Variants in TTF1 observed in about 807,000 individuals in gnomAD.
TTF1 encodes transcription termination factor 1.
Under a neutral mutation model 80.2 loss-of-function variants are expected in TTF1, and 64 were observed. The observed-to-expected ratio is 0.80, with a 90% CI of 0.65 to 0.98. The LOEUF is 0.98. TTF1 is among the 50% of genes least tolerant of loss of function. The probability of loss-of-function intolerance (pLI) is 0.00; values close to 1 mark genes in which losing one functional copy is unlikely to be tolerated. For missense variants in TTF1, 1,023 were observed against 1,086.2 expected (o/e 0.94, Z 0.82); for synonymous variants, 372 against 382.7 (o/e 0.97, Z 0.33).
At chr9:132,392,654 C>G (rs1293702575) in intron 5 of TTF1, among the ~76,000 whole-genome samples, 1 of 152,232 alleles carries the variant, frequency 6.6e-6, no homozygotes, top group Non-Finnish European at 1.5e-5. Flanking sequence ...TGCACTCACA[C>G]GTGCACTGGC....
In TTF1 at chr9:132,392,122, G is replaced by A; in HGVS notation, c.1941C>T (p.Ala647=). The change falls in exon 6 of 11, where the codon GCC becomes GCT. Residue 647 remains alanine, a synonymous_variant. Coordinates refer to ENST00000334270, the MANE Select transcript of TTF1 (RefSeq NM_007344.4). ...NDWKTIGEMV[A]RSSLSVALKF... Reference sequence around the variant, plus strand: ...TGAGGGCCACGGAGAGGCTACTTCGGGCCACCATCTCACCAATCGTCTTCC... The same window carrying A: ...TGAGGGCCACGGAGAGGCTACTTCGAGCCACCATCTCACCAATCGTCTTCC... The A allele has an allele frequency of 1.2e-6, 2 of 1,614,058 alleles. No homozygotes were observed. Among genetic ancestry groups the A allele is most frequent in the Non-Finnish European group, 1.7e-6 (2 of 1,180,026 alleles).
At position 132,400,017 on chromosome 9, in the gene TTF1, A is replaced by G; in HGVS notation, c.1591+18T>C. 1 of 1,613,612 alleles carries G rather than the reference A, an allele frequency of 6.2e-7. No individual in the cohort carries two copies. Among genetic ancestry groups the G allele is most frequent in the East Asian group, 2.2e-5 (1 of 44,882 alleles). On this transcript the variant is annotated intron_variant, in intron 3 of 10. Coordinates refer to ENST00000334270, the MANE Select transcript of TTF1 (RefSeq NM_007344.4). ...GCATACAGGAAGTTCAACAAACACT[A>G]AGGCCCCACAAGCTCACCTTGTGCT...
chr9:132,386,697 TG>T, intron 8 of TTF1, 76 bp from the exon 9 acceptor site: 2 of 1,242,968 alleles, frequency 1.6e-6, no homozygotes, highest in Non-Finnish European at 2.3e-6. Context: ...CGTGGAGTGC[TG>T]AGAGCTGGAA....
intron 5 of TTF1, among the ~76,000 whole-genome samples, chr9:132,393,682 G>A (rs1689783098): frequency 6.6e-6 from 1 of 152,148 alleles, no homozygotes; most frequent in Non-Finnish European, 1.5e-5. Context: ...CTATATTTCT[G>A]TGTGTGTGTC....
intron 9 of TTF1, 133 bp from the exon 10 acceptor site, chr9:132,379,277 G>T: frequency 1.8e-6 from 1 of 546,406 alleles, no homozygotes; most frequent in South Asian, 3.3e-5. Context: ...CATCATACAT[G>T]TGTGATACAA....
intron 10 of TTF1, among the ~76,000 whole-genome samples, chr9:132,378,269 T>C (rs1265365574): frequency 2.5e-5 from 3 of 120,700 alleles, no homozygotes; most frequent in Non-Finnish European, 5.0e-5. Flanking sequence ...TGTGAGTGCA[T>C]GTGGTGTGTG....
chr9:132,401,535 C>T lies in TTF1; in HGVS notation c.1287G>A (p.Met429Ile), dbSNP rs199902613. The T allele has an allele frequency of 4.3e-4, 694 of 1,614,162 alleles. 11 individuals carry two copies. In the East Asian group the frequency reaches 0.015, roughly 35 times the overall value. The change falls in exon 2 of 11, where the codon ATG becomes ATA. Residue 429 changes from methionine (M) to isoleucine (I), a missense_variant. Met to Ile is a conservative substitution (Grantham distance 10). Coordinates refer to ENST00000334270, the MANE Select transcript of TTF1 (RefSeq NM_007344.4). ...FDSVEGDGAM[M>I]EEGVKSRPRQ... ...GGGGCCTAGATTTCACACCTTCTTC[C>T]ATCATGGCGCCATCACCTTCTACTG...
chr9:132,393,163 T>C (rs1849588777), intron 5 of TTF1, among the ~76,000 whole-genome samples: 1 of 152,248 alleles, frequency 6.6e-6, no homozygotes, highest in South Asian at 2.1e-4. Flanking sequence ...ATGGCTTTAC[T>C]GTATAAACTG....
chr9:132,378,278 TGAATGCATGTG>T (rs1564182012), intron 10 of TTF1, among the ~76,000 whole-genome samples: 1 of 130,320 alleles, frequency 7.7e-6, no homozygotes, highest in Non-Finnish European at 1.6e-5. Context: ...ATGTGGTGTG[TGAATGCATGTG>T]GTGAGTGCAT....
chr9:132,398,377 A>C (rs2131645310), intron 3 of TTF1, 51 bp from the exon 4 acceptor site: 1 of 1,556,936 alleles, frequency 6.4e-7, no homozygotes, highest in South Asian at 1.2e-5. Context: ...ATAATGACAA[A>C]AGCAAACCTA....
At position 132,402,277 on chromosome 9, in the gene TTF1, C is replaced by T. The variant is rs754013383; in HGVS notation, c.545G>A (p.Arg182Gln). Reference protein sequence around the residue: ...QRKAASWESQRARDTLPQSES... With the variant: ...QRKAASWESQQARDTLPQSES... ...TGACTGAGGCAGGGTGTCCCTTGCC[C>T]GCTGGCTCTCCCAGGATGCAGCTTT... Residue 182 changes from arginine to glutamine, a missense_variant, in exon 2 of 11, where the codon CGG becomes CAG. By Grantham distance (43) the Arg-to-Gln change is conservative. Coordinates refer to ENST00000334270, the MANE Select transcript of TTF1 (RefSeq NM_007344.4). 5.7e-5 allele frequency: 92 copies of T among 1,613,932 alleles called. No individual in the cohort carries two copies. Among genetic ancestry groups the T allele is most frequent in the South Asian group, 2.3e-4 (21 of 91,086 alleles).
chr9:132,382,258 A>G (rs1353167991), intron 9 of TTF1, among the ~76,000 whole-genome samples: 1 of 152,222 alleles, frequency 6.6e-6, no homozygotes, highest in South Asian at 2.1e-4. Flanking sequence ...GAGAAATGCA[A>G]ATGAAAACCA....
chr9:132,400,065 A>G lies in TTF1; in HGVS notation c.1561T>C (p.Leu521=), dbSNP rs1849732047. ...STIKRMYRDD[L]ERFKEFKAQG... The stretch of plus-strand genomic sequence containing the variant: ...GCTTTAAATTCCTTAAACCGTTCCA[A>G]GTCGTCCCGGTACATCCGCTTGATT... The change falls in exon 3 of 11, where the codon TTG becomes CTG. Residue 521 remains leucine (L), a synonymous_variant. Transcript: ENST00000334270. 6.2e-7 allele frequency: 1 copy of G among 1,614,086 alleles called. No individual in the cohort carries two copies. The highest frequency in any genetic ancestry group is 1.3e-5 in the African/African-American group (1 of 74,932).
intron 10 of TTF1, among the ~76,000 whole-genome samples, chr9:132,377,142 T>TGTGAGTGCATGCATGTG (rs1243625265): frequency 2.6e-5 from 4 of 151,004 alleles, no homozygotes; most frequent in Admixed American, 6.6e-5. Context: ...ATGTGGTGTG[T>TGTGAGTGCATGCATGTG]GTGAGTGCAT....
At chr9:132,392,260 T>C (rs1243519652) in intron 5 of TTF1, 54 bp from the exon 6 acceptor site, 3 of 1,606,302 alleles carry the variant, frequency 1.9e-6, no homozygotes, top group Non-Finnish European at 2.6e-6. Context: ...AGATTAAAAA[T>C]GGTATTCTCA....
intron 5 of TTF1, among the ~76,000 whole-genome samples, chr9:132,395,119 G>A (rs1849624372): frequency 6.6e-6 from 1 of 152,102 alleles, no homozygotes; most frequent in Non-Finnish European, 1.5e-5. Flanking sequence ...TTGAACCTGG[G>A]AGGCGGAGGT....
At chr9:132,393,919 TTTC>T (rs918466695) in intron 5 of TTF1, among the ~76,000 whole-genome samples, 6 of 151,906 alleles carry the variant, frequency 3.9e-5, no homozygotes, top group South Asian at 2.1e-4. Flanking sequence ...AAAAATACAA[TTTC>T]TTTTTTTTTT....
intron 2 of TTF1, among the ~76,000 whole-genome samples, chr9:132,401,147 A>G (rs967210470): frequency 1.5e-4 from 23 of 152,152 alleles, no homozygotes; most frequent in Middle Eastern, 6.8e-3. Context: ...CTGACTAACA[A>G]GGACAAACGT....
At position 132,398,131 on chromosome 9, in the gene TTF1, C is replaced by T. The variant is rs13298007; in HGVS notation, c.1777+10G>A. 0.062 allele frequency: 97,238 copies of T among 1,566,084 alleles called. 3,280 individuals carry two copies. Among genetic ancestry groups the T allele is most frequent in the Middle Eastern group, 0.084 (489 of 5,848 alleles). ...GTGGATGGTCAAAGGGTGATTGTTT[C>T]TAAACTTACCAATGTGTAATCTAAA... On this transcript the variant is annotated intron_variant, in intron 4 of 10. Coordinates refer to ENST00000334270, the MANE Select transcript of TTF1 (RefSeq NM_007344.4).
Sources: gnomAD v4.1 joint callset for allele counts (sites outside exome capture counted in the v4.1 genomes callset) on GRCh38, gnomAD v4.1.1 for gene constraint, MANE v1.5 for transcripts, NCBI Gene and HGNC (gene_info 2026-07-23, HGNC 2026-07-21) for gene names.